CPQ: variants seen among roughly 807,000 people sequenced by gnomAD.
The protein encoded by CPQ is carboxypeptidase Q, also known as Ser-Met dipeptidase.
CPQ carries 37 observed loss-of-function variants against 45.7 expected under a neutral mutation model. The ratio of observed to expected loss-of-function variants is 0.81; its 90% confidence interval spans 0.62 to 1.07. CPQ has a LOEUF of 1.07. CPQ is among the 50% of genes least tolerant of loss of function. CPQ has a pLI of 0.00. For missense variants in CPQ, 537 were observed against 572.9 expected, an observed-to-expected ratio of 0.94 and a Z score of 0.64; for synonymous variants, 186 against 205.8, an observed-to-expected ratio of 0.90 and a Z score of 0.82.
At chr8:96,713,842 A>G (rs1809643904) in intron 1 of CPQ, among the ~76,000 whole-genome samples, 1 of 152,224 alleles carries the variant, frequency 6.6e-6, no homozygotes, top group Non-Finnish European at 1.5e-5. Context: ...TGTGGTAGTG[A>G]CAAACTCCTT....
chr8:96,957,670 G>A lies in CPQ; in HGVS notation c.850-8265G>A, dbSNP rs535461662. On this transcript the variant is annotated intron_variant, in intron 4 of 7. Transcript: ENST00000220763. ...AAAAATTAGCCAGGCCTGGTGGCACGTGCCTGTAATCCCAGCTACTCAGGA... is the reference window on the plus strand; with the variant it reads ...AAAAATTAGCCAGGCCTGGTGGCACATGCCTGTAATCCCAGCTACTCAGGA... Among the ~76,000 whole-genome samples the A allele has an allele frequency of 8.4e-4, 128 of 152,066 alleles. 3 individuals are homozygous for A. In the South Asian group the frequency reaches 0.01, roughly 12 times the overall value.
chr8:97,093,186 G>C (rs1490661285), intron 7 of CPQ, among the ~76,000 whole-genome samples: 1 of 152,108 alleles, frequency 6.6e-6, no homozygotes, highest in South Asian at 2.1e-4. Flanking sequence ...TGGCAAAGTT[G>C]CAGAGAAAAA....
At chr8:97,051,183 C>T (rs2130506536) in intron 6 of CPQ, among the ~76,000 whole-genome samples, 1 of 152,250 alleles carries the variant, frequency 6.6e-6, no homozygotes, top group South Asian at 2.1e-4. Context: ...AACAGAGGTT[C>T]TTGACCATTG....
At chr8:96,784,093 G>A (rs1810725510) in intron 1 of CPQ, among the ~76,000 whole-genome samples, 1 of 152,108 alleles carries the variant, frequency 6.6e-6, no homozygotes, top group Admixed American at 6.6e-5. Context: ...TAGAGTTGTT[G>A]TGAGGATTAA....
At chr8:96,819,921 C>T (rs1367540407) in intron 2 of CPQ, among the ~76,000 whole-genome samples, 4 of 152,070 alleles carry the variant, frequency 2.6e-5, no homozygotes, top group Non-Finnish European at 5.9e-5. Flanking sequence ...GAAACCTCTG[C>T]TCTTCTCTGC....
At chr8:97,063,396 C>A (rs1309436337) in intron 6 of CPQ, among the ~76,000 whole-genome samples, 3 of 152,056 alleles carry the variant, frequency 2.0e-5, no homozygotes, top group Non-Finnish European at 4.4e-5. Flanking sequence ...AGATGCATAG[C>A]TTGCAAAACT....
chr8:96,730,219 G>A (rs1320192009), intron 1 of CPQ, among the ~76,000 whole-genome samples: 4 of 152,130 alleles, frequency 2.6e-5, no homozygotes, highest in Non-Finnish European at 5.9e-5. Flanking sequence ...CAGAACTTGA[G>A]GATATGATAA....
chr8:97,080,958 A>G (rs548537104), intron 7 of CPQ, among the ~76,000 whole-genome samples: 1 of 43,632 alleles, frequency 2.3e-5, no homozygotes, highest in African/African-American at 5.5e-5. Flanking sequence ...CCTTCTATAC[A>G]TGTATTTTTT....
At chr8:97,026,856 A>G (rs1458005488) in intron 5 of CPQ, among the ~76,000 whole-genome samples, 2 of 152,234 alleles carry the variant, frequency 1.3e-5, no homozygotes, top group Non-Finnish European at 2.9e-5. Context: ...GTAGGATAAT[A>G]ACTTTCACTT....
intron 5 of CPQ, 49 bp downstream of exon 5, chr8:96,966,095 T>C (rs765892531): frequency 2.2e-6 from 3 of 1,348,248 alleles, no homozygotes; most frequent in Admixed American, 1.8e-5. Flanking sequence ...CTCAGTGACA[T>C]GTTTAACTCA....
chr8:96,789,672 G>A (rs1810821472), intron 2 of CPQ, among the ~76,000 whole-genome samples: 2 of 152,198 alleles, frequency 1.3e-5, no homozygotes, highest in South Asian at 4.1e-4. Context: ...AGAGGGTGCG[G>A]CCTTGAGCAT....
At chr8:97,124,175 G>A (rs935900413) in intron 7 of CPQ, among the ~76,000 whole-genome samples, 1 of 127,704 alleles carries the variant, frequency 7.8e-6, no homozygotes, top group Non-Finnish European at 1.5e-5. Context: ...GCAGTGAGCC[G>A]AGATTGCACC....
intron 4 of CPQ, among the ~76,000 whole-genome samples, chr8:96,933,039 T>A (rs1201539623): frequency 6.6e-6 from 1 of 152,192 alleles, no homozygotes; most frequent in Non-Finnish European, 1.5e-5. Context: ...GAGATGATGT[T>A]TGTCAACTCT....
intron 6 of CPQ, among the ~76,000 whole-genome samples, chr8:97,031,428 T>C (rs886523889): frequency 5.9e-5 from 9 of 152,084 alleles, no homozygotes; most frequent in African/African-American, 1.7e-4. Context: ...CCTTGTGATC[T>C]GCCCGCCTCG....
intron 5 of CPQ, among the ~76,000 whole-genome samples, chr8:97,010,284 A>G (rs1261010238): frequency 6.6e-6 from 1 of 152,148 alleles, no homozygotes; most frequent in Non-Finnish European, 1.5e-5. Context: ...GGTCTGAGTC[A>G]GGGTGGTCTA....
chr8:97,113,826 G>A (rs1254481077), intron 7 of CPQ, among the ~76,000 whole-genome samples: 3 of 152,190 alleles, frequency 2.0e-5, no homozygotes, highest in Non-Finnish European at 4.4e-5. Context: ...TTCATGTGCT[G>A]TTGATTTCTA....
chr8:96,712,569 C>G (rs1809620705), intron 1 of CPQ, among the ~76,000 whole-genome samples: 1 of 152,216 alleles, frequency 6.6e-6, no homozygotes, highest in Non-Finnish European at 1.5e-5. Flanking sequence ...TGTAAGCCAC[C>G]AGGGCTTTGT....
At chr8:96,796,518 T>C (rs1810931725) in intron 2 of CPQ, among the ~76,000 whole-genome samples, 1 of 152,202 alleles carries the variant, frequency 6.6e-6, no homozygotes, top group Non-Finnish European at 1.5e-5. Flanking sequence ...TTTCTTTCTG[T>C]ATTTTGAGGA....
chr8:97,103,170 C>G (rs965393851), intron 7 of CPQ, among the ~76,000 whole-genome samples: 1 of 152,258 alleles, frequency 6.6e-6, no homozygotes, highest in African/African-American at 2.4e-5. Flanking sequence ...TTAATTTAAG[C>G]ACACCTGCAA....
Sources: gnomAD v4.1 joint callset for allele counts (sites outside exome capture counted in the v4.1 genomes callset) on GRCh38, gnomAD v4.1.1 for gene constraint, MANE v1.5 for transcripts, NCBI Gene and HGNC (gene_info 2026-07-23, HGNC 2026-07-21) for gene names.